LPL: variants seen among roughly 807,000 people sequenced by gnomAD.
The protein encoded by LPL is lipoprotein lipase.
LPL carries 43 observed loss-of-function variants against 52.2 expected under a neutral mutation model. The ratio of observed to expected loss-of-function variants is 0.82; its 90% CI spans 0.64 to 1.06. The LOEUF is 1.06. Among genes scored for constraint, LPL ranks in the 50% least tolerant of loss-of-function variants. LPL has a pLI of 0.00. For missense variants in LPL, 639 were observed against 585.3 expected, an observed-to-expected ratio of 1.09 and a Z score of -0.95; for synonymous variants, 244 against 215.6, an observed-to-expected ratio of 1.13 and a Z score of -1.15.
Position 19,956,079 on chromosome 8 carries a change from C to A in LPL, c.1014C>A (p.Tyr338Ter). 6.2e-7 allele frequency: 1 copy of A among 1,614,120 alleles called. No individual in the cohort carries two copies. The highest frequency in any genetic ancestry group is 1.1e-5 in the South Asian group (1 of 91,080). ...TGAAGACTCGTTCTCAGATGCCCTACAAAGGTAGGCTGGAGACTGTTGTAA... is the reference window on the plus strand; with the variant it reads ...TGAAGACTCGTTCTCAGATGCCCTAAAAAGGTAGGCTGGAGACTGTTGTAA... ...MYLKTRSQMP[Y>*]KVFHYQVKIH... Residue 338 changes from tyrosine to a stop codon, truncating the protein, a stop_gained, in exon 6 of 10, where the codon TAC becomes TAA. Transcript: ENST00000650287. LOFTEE classifies it high-confidence loss of function.
Position 19,959,321 on chromosome 8 carries a change from G to T in LPL, c.1080G>T (p.Gln360His). The T allele has an allele frequency of 6.2e-7, 1 of 1,614,120 alleles. No individual in the cohort carries two copies. Among genetic ancestry groups the T allele is most frequent in the East Asian group, 2.2e-5 (1 of 44,870 alleles). ...CTGAGAGTGAAACCCATACCAATCA[G>T]GCCTTTGAGATTTCTCTGTATGGCA... ...SGTESETHTNQAFEISLYGTV... is the reference protein window; with the variant it reads ...SGTESETHTNHAFEISLYGTV... Residue 360 changes from glutamine to histidine, a missense_variant, in exon 7 of 10, where the codon CAG (glutamine) becomes CAT (histidine). Coordinates refer to ENST00000650287, the MANE Select transcript of LPL (RefSeq NM_000237.3).
At chr8:19,955,172 T>C (rs2069973061) in intron 5 of LPL, among the ~76,000 whole-genome samples, 1 of 152,238 alleles carries the variant, frequency 6.6e-6, no homozygotes, top group Non-Finnish European at 1.5e-5. Flanking sequence ...TGATTATTTC[T>C]ATGTTCATTT....
chr8:19,957,203 G>A (rs990997993), intron 6 of LPL, among the ~76,000 whole-genome samples: 5 of 152,178 alleles, frequency 3.3e-5, no homozygotes, highest in Non-Finnish European at 1.5e-5. Context: ...CTTGTTTAGA[G>A]GCAGACCTAA....
At chr8:19,957,311 C>T (rs2069994646) in intron 6 of LPL, among the ~76,000 whole-genome samples, 1 of 152,124 alleles carries the variant, frequency 6.6e-6, no homozygotes, top group Non-Finnish European at 1.5e-5. Flanking sequence ...AGATGGAAAC[C>T]TGAGGGAAGG....
intron 1 of LPL, among the ~76,000 whole-genome samples, chr8:19,947,417 A>G (rs1334811284): frequency 6.6e-6 from 1 of 152,038 alleles, no homozygotes; most frequent in East Asian, 1.9e-4. Flanking sequence ...AGGCGGGTGG[A>G]TCACTTGAGC....
rs566715496 is a variant in LPL at position 19,944,800 on chromosome 8, G to T, written c.89-3380G>T. On this transcript the variant is annotated intron_variant, in intron 1 of 9. Coordinates refer to ENST00000650287, the MANE Select transcript of LPL (RefSeq NM_000237.3). This position sits in a 1 kb window ranked among gnomAD's most constrained non-coding sequence, Gnocchi z 4.2. ...TGTAGTTATTTATTTAGGAATTTAG[G>T]AATAAAGATTCCATAGTCAGGAAAG... 1.1e-4 allele frequency among the ~76,000 whole-genome samples: 17 copies of T among 152,280 alleles called. No individual in the cohort carries two copies. The highest frequency in any genetic ancestry group is 2.2e-4 in the Non-Finnish European group (15 of 68,014).
rs1001278991 is a variant in LPL at position 19,965,655 on chromosome 8, T to A, written c.*345T>A. ...ATGTGGCGTATTGGGCCATAGCCTA[T>A]AATTGGTTAGAACCTCCTATTTTAA... On this transcript the variant is annotated 3_prime_UTR_variant, in exon 10 of 10. Coordinates refer to ENST00000650287, the MANE Select transcript of LPL (RefSeq NM_000237.3). 2 of 251,050 alleles carry A rather than the reference T, an allele frequency of 8.0e-6. No individual in the cohort carries two copies. Among genetic ancestry groups the A allele is most frequent in the Non-Finnish European group, 1.5e-5 (2 of 131,116 alleles). The allele number at this position is 251,050 out of a possible 1,614,324, so 15.6% of individuals were successfully genotyped here. A position where few individuals can be genotyped will look rare whatever the true frequency, so the allele number is the denominator to read the frequency against.
chr8:19,954,656 T>C (rs1473905279), intron 5 of LPL, among the ~76,000 whole-genome samples: 1 of 152,210 alleles, frequency 6.6e-6, no homozygotes, highest in Non-Finnish European at 1.5e-5. Flanking sequence ...AAATGCTATC[T>C]GGCCACATGT....
intron 2 of LPL, among the ~76,000 whole-genome samples, chr8:19,949,120 T>C (rs7016529): frequency 0.08 from 12,129 of 152,228 alleles, 1,233 homozygotes; most frequent in African/African-American, 0.24. Context: ...CCCAAGTGAG[T>C]AGACTGTGTA....
chr8:19,940,294 A>C (rs564212449), intron 1 of LPL, among the ~76,000 whole-genome samples: 3 of 152,190 alleles, frequency 2.0e-5, no homozygotes, highest in Admixed American at 6.5e-5. Context: ...GCCACCAGCA[A>C]TCTGTGGTCG....
chr8:19,956,386 G>C lies in LPL; in HGVS notation c.1018+303G>C, dbSNP rs556267341. ...CAGCACAGAGCTCAGAGCTCATTTG[G>C]AACCATCCACCTCGGGTCAACAAAC... On this transcript the variant is annotated intron_variant, in intron 6 of 9. Transcript: ENST00000650287. Among the ~76,000 whole-genome samples the C allele has an allele frequency of 2.0e-5, 3 of 152,314 alleles. No individual in the cohort carries two copies. The South Asian group carries it at 6.2e-4, about 32-fold the overall frequency.
chr8:19,939,383 C>G lies in LPL; in HGVS notation c.-58C>G, dbSNP rs1304688882. On this transcript the variant is annotated 5_prime_UTR_variant, in exon 1 of 10. Coordinates refer to ENST00000650287, the MANE Select transcript of LPL (RefSeq NM_000237.3). The surrounding 1 kb of genome is among the most constrained non-coding windows in gnomAD (Gnocchi z 4.0). ...CTCCAGCCCTCTCCAGCCTCCGGCT[C>G]AGCCGGCTCATCAGTCGGTCCGCGC... 3.9e-6 allele frequency: 6 copies of G among 1,528,522 alleles called. No individual in the cohort carries two copies. Among genetic ancestry groups the G allele is most frequent in the South Asian group, 2.4e-5 (2 of 84,364 alleles). 94.7% of individuals were successfully genotyped at this position (1,528,522 alleles called of 1,614,324 possible). A position where few individuals can be genotyped will look rare whatever the true frequency, so the allele number is the denominator to read the frequency against.
chr8:19,959,416 G>T lies in LPL; in HGVS notation c.1139+36G>T, dbSNP rs1016386217. ...CAGGGGGGCGGTCATCATGGCACCA[G>T]TCCCTCTCCTGCCATAACCCTTGGT... On this transcript the variant is annotated intron_variant, in intron 7 of 9. Transcript: ENST00000650287. 90 of 1,612,878 alleles carry T rather than the reference G, an allele frequency of 5.6e-5. 2 individuals carry two copies. In the East Asian group the frequency reaches 1.9e-3, roughly 34 times the overall value.
At chr8:19,958,179 C>A (rs543891494) in intron 6 of LPL, among the ~76,000 whole-genome samples, 4 of 151,964 alleles carry the variant, frequency 2.6e-5, no homozygotes, top group African/African-American at 9.7e-5. Flanking sequence ...CCACCACGCC[C>A]AACTAATTTC....
intron 2 of LPL, 82 bp downstream of exon 2, chr8:19,948,422 A>AC: frequency 1.2e-5 from 18 of 1,461,984 alleles, no homozygotes; most frequent in Non-Finnish European, 1.7e-5. Flanking sequence ...GGACCCAGTG[A>AC]TGGGTCCGCA....
Position 19,948,333 on chromosome 8 carries a change from G to A in LPL, c.242G>A (p.Gly81Asp), listed in dbSNP as rs762007406. The A allele has an allele frequency of 1.2e-6, 2 of 1,613,928 alleles. No individual in the cohort carries two copies. The highest frequency in any genetic ancestry group is 1.7e-6 in the Non-Finnish European group (2 of 1,179,836). The change falls in exon 2 of 10, where the codon GGC (glycine) becomes GAC (aspartate). Residue 81 changes from glycine to aspartate, a missense_variant. Physicochemically the swap from Gly to Asp is moderately conservative, Grantham distance 94 (BLOSUM62 -1). Transcript: ENST00000650287. ...HSSKTFMVIH[G>D]WTVTGMYESW... ...AGCAAAACCTTCATGGTGATCCATG[G>A]CTGGACGGTAAGGGAGGCTCTTTGG...
At chr8:19,958,703 T>C (rs1335388920) in intron 6 of LPL, among the ~76,000 whole-genome samples, 1 of 152,156 alleles carries the variant, frequency 6.6e-6, no homozygotes, top group Admixed American at 6.5e-5. Flanking sequence ...AAATAAGTTC[T>C]ATGATGCACC....
chr8:19,961,339 G>A (rs1025582090), intron 8 of LPL, among the ~76,000 whole-genome samples: 1 of 151,948 alleles, frequency 6.6e-6, no homozygotes, highest in African/African-American at 2.4e-5. Context: ...TATTCAGTGA[G>A]AGCTGGGATT....
At chr8:19,963,855 G>T (rs1185975088) in intron 9 of LPL, among the ~76,000 whole-genome samples, 1 of 152,062 alleles carries the variant, frequency 6.6e-6, no homozygotes, top group Non-Finnish European at 1.5e-5. Context: ...CTTCTAAGAG[G>T]TTATTACGTT....
Sources: gnomAD v4.1 joint callset for allele counts (sites outside exome capture counted in the v4.1 genomes callset) on GRCh38, gnomAD v4.1.1 for gene constraint, Gnocchi (gnomAD v3.1) non-coding constraint, MANE v1.5 for transcripts, NCBI Gene and HGNC (gene_info 2026-07-23, HGNC 2026-07-21) for gene names.